The following STK4 variants were observed in gnomAD, a reference collection of about 807,000 sequenced individuals.
STK4 encodes serine/threonine kinase 4.
In STK4, 30 loss-of-function variants were observed where a neutral mutation model predicts 64.9. The ratio of observed to expected loss-of-function variants is 0.46; its 90% CI spans 0.35 to 0.63. The LOEUF is 0.63. STK4 is among the 20% of genes least tolerant of loss of function. The probability of loss-of-function intolerance (pLI) is 0.01; values close to 1 mark genes in which losing one functional copy is unlikely to be tolerated. For missense variants in STK4, 466 were observed against 598.5 expected (o/e 0.78, Z 2.31); for synonymous variants, 177 against 199.0 (o/e 0.89, Z 0.93).
Position 44,987,229 on chromosome 20 carries a change from G to A in STK4, c.458G>A (p.Gly153Glu). ...AAAATACACCGAGATATCAAGGCAG[G>A]AAATATTTTGCTAAATACAGAAGGA... is the stretch of plus-strand genomic sequence containing the variant. ...MRKIHRDIKA[G>E]NILLNTEGHA... The change falls in exon 5 of 11, where the codon GGA becomes GAA. Residue 153 changes from glycine (G) to glutamate (E), a missense_variant. Transcript: ENST00000372806. 1 of 1,612,492 alleles carries A rather than the reference G, an allele frequency of 6.2e-7. No homozygotes were observed. Among genetic ancestry groups the A allele is most frequent in the Non-Finnish European group, 8.5e-7 (1 of 1,179,454 alleles).
At chr20:45,074,300 A>G (rs1980328251) in intron 10 of STK4, among the ~76,000 whole-genome samples, 1 of 152,218 alleles carries the variant, frequency 6.6e-6, no homozygotes, top group South Asian at 2.1e-4. Context: ...ACTAAATGCC[A>G]GCCATTATTA....
chr20:45,029,396 C>G (rs2068407258), intron 10 of STK4, among the ~76,000 whole-genome samples: 1 of 152,158 alleles, frequency 6.6e-6, no homozygotes, highest in South Asian at 2.1e-4. Flanking sequence ...ATATGACATT[C>G]TACTCTATTT....
At chr20:45,003,784 T>C (rs2145702807) in intron 9 of STK4, among the ~76,000 whole-genome samples, 1 of 151,100 alleles carries the variant, frequency 6.6e-6, no homozygotes, top group East Asian at 1.9e-4. Flanking sequence ...TGGTGCGATC[T>C]TGGCTCACAG....
chr20:45,026,128 G>GGTTT (rs1490924969), intron 10 of STK4, among the ~76,000 whole-genome samples: 6 of 128,982 alleles, frequency 4.7e-5, no homozygotes, highest in African/African-American at 1.8e-4. Flanking sequence ...TTATCCAGTG[G>GGTTT]TTTTTTTTTT....
rs2067359713 is a variant in STK4 at position 44,977,456 on chromosome 20, A to G, written c.117-987A>G. 2.6e-5 allele frequency among the ~76,000 whole-genome samples: 4 copies of G among 152,246 alleles called. No individual in the cohort carries two copies. The South Asian group carries it at 8.3e-4, about 32-fold the overall frequency. ...TATGAAAGACAGTTTACTCAGTATTATTTCACTGACAGCTGCCCAGGATTC... is the reference window on the plus strand; with the variant it reads ...TATGAAAGACAGTTTACTCAGTATTGTTTCACTGACAGCTGCCCAGGATTC... On this transcript the variant is annotated intron_variant, in intron 2 of 10. Coordinates refer to ENST00000372806, the MANE Select transcript of STK4 (RefSeq NM_006282.5).
chr20:45,007,768 A>C, intron 9 of STK4: 1 of 419,730 alleles, frequency 2.4e-6, no homozygotes, highest in Non-Finnish European at 4.7e-6. Flanking sequence ...TTTATTTAAA[A>C]AATTTCAACT....
At chr20:45,063,251 G>A (rs985311962) in intron 10 of STK4, among the ~76,000 whole-genome samples, 5 of 151,202 alleles carry the variant, frequency 3.3e-5, no homozygotes, top group African/African-American at 7.3e-5. Flanking sequence ...CAAGTGATCC[G>A]CCCACCTCAG....
At chr20:44,983,275 C>G (rs1390265140) in intron 4 of STK4, among the ~76,000 whole-genome samples, 1 of 152,154 alleles carries the variant, frequency 6.6e-6, no homozygotes, top group African/African-American at 2.4e-5. Context: ...GGATTCTAAG[C>G]AAGTGAGCGA....
intron 10 of STK4, among the ~76,000 whole-genome samples, chr20:45,036,269 GA>G (rs2068525610): frequency 2.0e-5 from 3 of 152,150 alleles, no homozygotes; most frequent in Non-Finnish European, 2.9e-5. Context: ...GAAACTTGTA[GA>G]AATAAACAGT....
intron 10 of STK4, chr20:45,052,991 T>C: frequency 2.0e-6 from 2 of 978,344 alleles, no homozygotes; most frequent in South Asian, 3.0e-5. Flanking sequence ...TGTTTCAACT[T>C]CTTATTTTTC....
intron 10 of STK4, among the ~76,000 whole-genome samples, chr20:45,060,713 A>G (rs1046874416): frequency 4.6e-5 from 7 of 152,230 alleles, no homozygotes; most frequent in African/African-American, 1.7e-4. Context: ...GAGATAATGC[A>G]TGTAAGGTGC....
In STK4 at chr20:45,001,360, C is replaced by G; in HGVS notation, c.1147+7C>G. On this transcript the variant is annotated splice_region_variant and intron_variant, in intron 9 of 10. Coordinates refer to ENST00000372806, the MANE Select transcript of STK4 (RefSeq NM_006282.5). ...GAGGAAGGAACTATGAAAAGTAAGGCTCTGAGTAAATTCACTGACTTCTTA... is the reference window on the plus strand; with the variant it reads ...GAGGAAGGAACTATGAAAAGTAAGGGTCTGAGTAAATTCACTGACTTCTTA... 6.2e-7 allele frequency: 1 copy of G among 1,601,632 alleles called. No homozygotes were observed. The highest frequency in any genetic ancestry group is 8.5e-7 in the Non-Finnish European group (1 of 1,169,970).
At position 44,966,557 on chromosome 20, in the gene STK4, G is replaced by A. The variant is rs1203189734; in HGVS notation, c.-12G>A. The A allele has an allele frequency of 1.6e-6, 2 of 1,266,312 alleles. No homozygotes were observed. Among genetic ancestry groups the A allele is most frequent in the African/African-American group, 1.5e-5 (1 of 64,582 alleles). The allele number at this position is 1,266,312 out of a possible 1,614,324, so 78.4% of individuals were successfully genotyped here. On this transcript the variant is annotated 5_prime_UTR_variant, in exon 1 of 11. Transcript: ENST00000372806. ...GAGCAGTGAGCGGGTCTGGGCGGCT[G>A]CTGGCAGCGCCATGGAGACGGTACA...
intron 9 of STK4, among the ~76,000 whole-genome samples, chr20:45,019,270 A>G (rs1301634510): frequency 6.6e-6 from 1 of 152,140 alleles, no homozygotes; most frequent in Non-Finnish European, 1.5e-5. Flanking sequence ...CCTGTTTTGG[A>G]CAGTTTATGT....
At chr20:45,036,024 T>C (rs2068522231) in intron 10 of STK4, among the ~76,000 whole-genome samples, 1 of 152,214 alleles carries the variant, frequency 6.6e-6, no homozygotes, top group Non-Finnish European at 1.5e-5. Flanking sequence ...GTTCAAGAGA[T>C]CTATTGTACA....
intron 10 of STK4, among the ~76,000 whole-genome samples, chr20:45,034,969 C>T (rs777810300): frequency 6.6e-6 from 1 of 151,898 alleles, no homozygotes; most frequent in Non-Finnish European, 1.5e-5. Context: ...GATTAAGAAA[C>T]ATACCTATGT....
intron 6 of STK4, among the ~76,000 whole-genome samples, chr20:44,996,130 G>A (rs1013093783): frequency 1.3e-5 from 2 of 152,054 alleles, no homozygotes; most frequent in African/African-American, 4.8e-5. Flanking sequence ...CCCTATAGGT[G>A]TTTTGAATTT....
intron 7 of STK4, among the ~76,000 whole-genome samples, chr20:44,997,856 C>A (rs886318754): frequency 1.3e-5 from 2 of 152,158 alleles, no homozygotes; most frequent in African/African-American, 4.8e-5. Context: ...TAGTGAGTAC[C>A]TGCTGTCCGC....
intron 10 of STK4, among the ~76,000 whole-genome samples, chr20:45,038,455 G>A (rs565793288): frequency 1.3e-5 from 2 of 151,920 alleles, no homozygotes; most frequent in Admixed American, 6.6e-5. Flanking sequence ...ATCCAAATGC[G>A]ATTTATAGGA....
Sources: gnomAD v4.1 joint callset for allele counts (sites outside exome capture counted in the v4.1 genomes callset) on GRCh38, gnomAD v4.1.1 for gene constraint, MANE v1.5 for transcripts, NCBI Gene and HGNC (gene_info 2026-07-23, HGNC 2026-07-21) for gene names.